Variants in TSPEAR observed in about 807,000 individuals in gnomAD.
TSPEAR encodes thrombospondin type laminin G domain and EAR repeats.
A neutral mutation model predicts 71.6 loss-of-function variants in TSPEAR; 69 were observed. That is an observed-to-expected ratio of 0.96 (90% CI 0.79 to 1.18). TSPEAR has a LOEUF of 1.18. TSPEAR is among the 50% of genes most tolerant of loss of function. The probability of loss-of-function intolerance (pLI) is 0.00; values close to 1 mark genes in which losing one functional copy is unlikely to be tolerated. For missense variants in TSPEAR, 971 were observed against 894.9 expected (o/e 1.09, Z -1.09); for synonymous variants, 402 against 387.2 (o/e 1.04, Z -0.45).
At chr21:44,508,928 A>AG (rs2052274646) in intron 10 of TSPEAR, 1 of 1,520,090 alleles carries the variant, frequency 6.6e-7, no homozygotes, top group African/African-American at 1.4e-5. Flanking sequence ...GGATGAAAGG[A>AG]GGTAATGGGT....
intron 1 of TSPEAR, among the ~76,000 whole-genome samples, chr21:44,624,579 G>A (rs1342665729): frequency 3.3e-5 from 5 of 152,306 alleles, no homozygotes; most frequent in Admixed American, 6.5e-5. Context: ...AGTTCAATAC[G>A]AGCTGATTTA....
chr21:44,626,018 G>A (rs1319222679), intron 1 of TSPEAR, among the ~76,000 whole-genome samples: 1 of 152,184 alleles, frequency 6.6e-6, no homozygotes, highest in Non-Finnish European at 1.5e-5. Flanking sequence ...AAACCCTGTG[G>A]GGACAGGTCT....
chr21:44,653,693 A>G (rs1382461816), intron 1 of TSPEAR, among the ~76,000 whole-genome samples: 4 of 152,222 alleles, frequency 2.6e-5, no homozygotes, highest in Non-Finnish European at 5.9e-5. Context: ...CTACAAAATT[A>G]GTGATTTGTC....
intron 1 of TSPEAR, among the ~76,000 whole-genome samples, chr21:44,689,728 T>C (rs1182011230): frequency 8.3e-6 from 1 of 120,130 alleles, no homozygotes; most frequent in Non-Finnish European, 1.7e-5. Context: ...TATATATATA[T>C]ATATATATAT....
intron 1 of TSPEAR, among the ~76,000 whole-genome samples, chr21:44,620,027 A>G (rs1344862084): frequency 1.3e-5 from 2 of 152,130 alleles, no homozygotes; most frequent in Non-Finnish European, 2.9e-5. Flanking sequence ...GGATTCACAT[A>G]AAAACACAGT....
At chr21:44,609,095 C>A (rs1274560796) in intron 1 of TSPEAR, among the ~76,000 whole-genome samples, 3 of 152,108 alleles carry the variant, frequency 2.0e-5, no homozygotes, top group Admixed American at 6.5e-5. Context: ...TTGTGCTGAA[C>A]AAATTGAACC....
chr21:44,503,387 G>A (rs1176599345), intron 11 of TSPEAR, among the ~76,000 whole-genome samples: 6 of 136,758 alleles, frequency 4.4e-5, no homozygotes, highest in South Asian at 2.4e-4. Context: ...AGCCCTCGGC[G>A]GGAAGCAAGG....
chr21:44,637,801 G>A (rs1555937349), intron 1 of TSPEAR: 1 of 1,368,000 alleles, frequency 7.3e-7, no homozygotes, highest in African/African-American at 1.6e-5. Context: ...CATGCTGCCA[G>A]CAGTCTAGCT....
chr21:44,636,152 T>C (rs1352823759), intron 1 of TSPEAR, among the ~76,000 whole-genome samples: 3 of 152,240 alleles, frequency 2.0e-5, no homozygotes, highest in African/African-American at 7.2e-5. Flanking sequence ...TACCCAATGA[T>C]TCCTTCAGGG....
At chr21:44,601,529 G>A in intron 1 of TSPEAR, 2 of 1,613,768 alleles carry the variant, frequency 1.2e-6, no homozygotes, top group Non-Finnish European at 1.7e-6. Context: ...ACCTCCTGCT[G>A]CAGACCCTCC....
intron 1 of TSPEAR, among the ~76,000 whole-genome samples, chr21:44,696,509 T>C (rs550944647): frequency 2.0e-5 from 3 of 152,350 alleles, no homozygotes; most frequent in East Asian, 3.9e-4. Flanking sequence ...AGTGAGGTCA[T>C]ATTTACAAAC....
chr21:44,561,783 CT>C (rs1555921070), intron 2 of TSPEAR, among the ~76,000 whole-genome samples: 1 of 152,120 alleles, frequency 6.6e-6, no homozygotes, highest in Non-Finnish European at 1.5e-5. Context: ...TTCAACATCC[CT>C]TCATGTTAAA....
intron 2 of TSPEAR, among the ~76,000 whole-genome samples, chr21:44,538,721 C>T (rs587650616): frequency 6.6e-6 from 1 of 152,262 alleles, no homozygotes; most frequent in South Asian, 2.1e-4. Flanking sequence ...TGGGACAGTC[C>T]TGGGGCCTGG....
chr21:44,627,774 C>T (rs1982950245), intron 1 of TSPEAR: 2 of 1,600,454 alleles, frequency 1.2e-6, no homozygotes, highest in Admixed American at 1.7e-5. Context: ...GTGTGCCTGT[C>T]TGCTCTGGGG....
chr21:44,682,240 T>C (rs1986640753), intron 1 of TSPEAR: 1 of 1,181,660 alleles, frequency 8.5e-7, no homozygotes, highest in South Asian at 1.6e-5. Flanking sequence ...CACACACCTG[T>C]TGTCTTCCTT....
chr21:44,609,661 G>T (rs587708320), intron 1 of TSPEAR, among the ~76,000 whole-genome samples: 1 of 152,222 alleles, frequency 6.6e-6, no homozygotes, highest in African/African-American at 2.4e-5. Context: ...GGAGCATGGG[G>T]ATGAATGAGT....
chr21:44,591,601 G>T, intron 1 of TSPEAR: 1 of 1,613,692 alleles, frequency 6.2e-7, no homozygotes, highest in Non-Finnish European at 8.5e-7. Flanking sequence ...GCAGCAGGAG[G>T]CGGTGCAGCA....
At chr21:44,542,021 A>G (rs2053230257) in intron 2 of TSPEAR, among the ~76,000 whole-genome samples, 1 of 152,270 alleles carries the variant, frequency 6.6e-6, no homozygotes, top group Non-Finnish European at 1.5e-5. Context: ...GACGTGCAGG[A>G]GATCTAGATA....
intron 1 of TSPEAR, chr21:44,675,913 A>G (rs1283932087): frequency 1.3e-6 from 1 of 771,654 alleles, no homozygotes; most frequent in Non-Finnish European, 2.4e-6. Context: ...CGGCGCTGGC[A>G]TATGCTGTCA....
Sources: gnomAD v4.1 joint callset for allele counts (sites outside exome capture counted in the v4.1 genomes callset) on GRCh38, gnomAD v4.1.1 for gene constraint, MANE v1.5 for transcripts, NCBI Gene and HGNC (gene_info 2026-07-23, HGNC 2026-07-21) for gene names.